PDIA6: variants seen among roughly 807,000 people sequenced by gnomAD.
PDIA6 encodes protein disulfide-isomerase A6.
Under a neutral mutation model 58.4 loss-of-function variants are expected in PDIA6, and 29 were observed. That is an observed-to-expected ratio of 0.50 (90% confidence interval 0.37 to 0.68). The LOEUF (loss-of-function observed/expected upper bound fraction) is 0.68. Among genes scored for constraint, PDIA6 ranks in the 30% least tolerant of loss-of-function variants. The pLI, the probability that PDIA6 is intolerant of heterozygous loss-of-function variation, is 0.00. For missense variants in PDIA6, 480 were observed against 551.0 expected (o/e 0.87, Z 1.29); for synonymous variants, 192 against 202.6 (o/e 0.95, Z 0.44).
At chr2:10,810,148 C>CAT in intron 1 of PDIA6, 1 of 697,908 alleles carries the variant, frequency 1.4e-6, no homozygotes, top group Non-Finnish European at 2.5e-6. Flanking sequence ...AAACATTTTG[C>CAT]ATATATTAAG....
Position 10,784,176 on chromosome 2 carries a change from G to T in PDIA6, c.*82C>A. ...AAAGGCCACTGGTAGAGTCATCTGA[G>T]TGTAGAGAATGTCCCTTCACTGCTG... On this transcript the variant is annotated 3_prime_UTR_variant, in exon 13 of 13. Transcript: ENST00000272227. The T allele has an allele frequency of 2.0e-6, 2 of 1,012,420 alleles. No individual in the cohort carries two copies. The highest frequency in any genetic ancestry group is 3.0e-6 in the Non-Finnish European group (2 of 665,690). The allele number at this position is 1,012,420 out of a possible 1,614,324, so 62.7% of individuals were successfully genotyped here.
At chr2:10,795,887 T>G (rs963133082) in intron 4 of PDIA6, among the ~76,000 whole-genome samples, 1 of 152,192 alleles carries the variant, frequency 6.6e-6, no homozygotes, top group Non-Finnish European at 1.5e-5. Flanking sequence ...AAACCTAAGA[T>G]GACAAAGTTC....
At chr2:10,806,148 G>A (rs537781989) in intron 1 of PDIA6, among the ~76,000 whole-genome samples, 3 of 151,402 alleles carry the variant, frequency 2.0e-5, no homozygotes, top group Non-Finnish European at 3.0e-5. Flanking sequence ...CAGGCAGATC[G>A]CTTGAGCTCA....
chr2:10,797,818 T>A, intron 2 of PDIA6, 61 bp from the exon 3 acceptor site: 2 of 1,357,294 alleles, frequency 1.5e-6, no homozygotes, highest in South Asian at 2.5e-5. Flanking sequence ...TTCAAAAAAT[T>A]CAAAAATTCA....
intron 1 of PDIA6, among the ~76,000 whole-genome samples, chr2:10,810,732 G>C (rs568943761): frequency 6.6e-6 from 1 of 152,174 alleles, no homozygotes; most frequent in East Asian, 1.9e-4. Context: ...AAAAGATGTG[G>C]ACATTCTGAA....
chr2:10,834,343 T>A (rs1667776820), upstream of PDIA6, among the ~76,000 whole-genome samples: 1 of 152,258 alleles, frequency 6.6e-6, no homozygotes, highest in Non-Finnish European at 1.5e-5. Flanking sequence ...ACCCTCTCTG[T>A]GGAGAGGGAA....
chr2:10,808,136 T>C (rs545304200), intron 1 of PDIA6, among the ~76,000 whole-genome samples: 30 of 152,312 alleles, frequency 2.0e-4, no homozygotes, highest in African/African-American at 7.2e-4. Flanking sequence ...CACTAAAGGG[T>C]TATCATTCAG....
In PDIA6 at chr2:10,797,816, A is replaced by C. The variant is rs935281595; in HGVS notation, c.162-59T>G. 3 of 1,354,712 alleles carry C rather than the reference A, an allele frequency of 2.2e-6. No homozygotes were observed. In the African/African-American group the frequency reaches 4.4e-5, roughly 20 times the overall value. The allele number at this position is 1,354,712 out of a possible 1,614,324, so 83.9% of individuals were successfully genotyped here. Reference sequence around the variant, plus strand: ...AAGCCTTTGATTCTCAATTCAAAAAATTCAAAAATTCAATTAAAAAACCCC... The same window carrying C: ...AAGCCTTTGATTCTCAATTCAAAAACTTCAAAAATTCAATTAAAAAACCCC... On this transcript the variant is annotated intron_variant, in intron 2 of 12. Coordinates refer to ENST00000272227, the MANE Select transcript of PDIA6 (RefSeq NM_005742.4).
chr2:10,802,458 A>G, intron 2 of PDIA6, 41 bp downstream of exon 2: 1 of 1,214,726 alleles, frequency 8.2e-7, no homozygotes, highest in Non-Finnish European at 1.1e-6. Flanking sequence ...CCAATTTCAG[A>G]AAGTACTATA....
At chr2:10,797,905 C>T in intron 2 of PDIA6, 148 bp from the exon 3 acceptor site, 1 of 637,552 alleles carries the variant, frequency 1.6e-6, no homozygotes, top group Non-Finnish European at 2.7e-6. Context: ...AGGATCAAGG[C>T]CGGGCACGGT....
chr2:10,794,070 A>G (rs918266519), intron 4 of PDIA6, among the ~76,000 whole-genome samples: 1 of 152,046 alleles, frequency 6.6e-6, no homozygotes, highest in Non-Finnish European at 1.5e-5. Flanking sequence ...CTATTAACTA[A>G]CACAGAAGTA....
Position 10,812,275 on chromosome 2 carries a change from G to C in PDIA6, c.19+403C>G, listed in dbSNP as rs568317093. Among the ~76,000 whole-genome samples, 7 of 152,186 alleles carry C rather than the reference G, an allele frequency of 4.6e-5. No individual in the cohort carries two copies. The East Asian group carries it at 1.4e-3, about 30-fold the overall frequency. On this transcript the variant is annotated intron_variant, in intron 1 of 12. Coordinates refer to ENST00000272227, the MANE Select transcript of PDIA6 (RefSeq NM_005742.4). ...GTGGCAGAAACAAGCAGCAGTGCAG[G>C]ACGCCCGCCAACCTCCGTCCCCACG...
In PDIA6 at chr2:10,829,746, T is replaced by C. The variant is rs1667651900; in HGVS notation, c.-48+2456A>G. On this transcript the variant is annotated intron_variant, in intron 1 of 13. Coordinates refer to the PDIA6 transcript ENST00000381611. ...TGTGGGTACATAGTAGGTGTACATATTGACACTGTACGTGATTACATTTCC... is the reference window on the plus strand; with the variant it reads ...TGTGGGTACATAGTAGGTGTACATACTGACACTGTACGTGATTACATTTCC... Among the ~76,000 whole-genome samples, 3 of 152,228 alleles carry C rather than the reference T, an allele frequency of 2.0e-5. No homozygotes were observed. In the South Asian group the frequency reaches 6.2e-4, roughly 32 times the overall value.
At chr2:10,810,365 C>T in intron 1 of PDIA6, 3 of 1,509,470 alleles carry the variant, frequency 2.0e-6, no homozygotes, top group Non-Finnish European at 2.6e-6. Context: ...CTTCTCTTTG[C>T]CAATCAAGGA....
At chr2:10,785,899 A>G (rs906303305) in intron 11 of PDIA6, among the ~76,000 whole-genome samples, 4 of 152,150 alleles carry the variant, frequency 2.6e-5, no homozygotes, top group African/African-American at 9.6e-5. Context: ...TTTTTAGTAG[A>G]CATAAGGTCT....
At position 10,812,706 on chromosome 2, in the gene PDIA6, C is replaced by G; in HGVS notation, c.-10G>C. 1 of 1,525,796 alleles carries G rather than the reference C, an allele frequency of 6.6e-7. No homozygotes were observed. The highest frequency in any genetic ancestry group is 1.2e-5 in the South Asian group (1 of 83,994). 94.5% of individuals were successfully genotyped at this position (1,525,796 alleles called of 1,614,324 possible). A position where few individuals can be genotyped will look rare whatever the true frequency, so the allele number is the denominator to read the frequency against. On this transcript the variant is annotated 5_prime_UTR_variant, in exon 1 of 13. Transcript: ENST00000272227. ...GCACCAGGAGAGCCATGCCGAGCGC[C>G]GGGCTACGTGCAGTCCCCACCGCCG...
At chr2:10,836,005 C>T (rs112231526), upstream of PDIA6, among the ~76,000 whole-genome samples, 177 of 151,498 alleles carry the variant, frequency 1.2e-3, no homozygotes, top group Non-Finnish European at 1.8e-3. Context: ...GAGCCAAGAT[C>T]GAGCCACACT....
intron 1 of PDIA6, among the ~76,000 whole-genome samples, chr2:10,811,577 G>C (rs111685597): frequency 0.018 from 2,670 of 152,294 alleles, 90 homozygotes; most frequent in African/African-American, 0.061. Context: ...CTAAAATGGT[G>C]AACACCGTTG....
chr2:10,813,444 G>A (rs1275231642), upstream of PDIA6, among the ~76,000 whole-genome samples: 3 of 152,156 alleles, frequency 2.0e-5, no homozygotes, highest in Admixed American at 2.0e-4. Flanking sequence ...CTGGCAATGC[G>A]CTCACGTGGG....
Sources: allele counts gnomAD v4.1 joint callset (sites outside exome capture counted in the v4.1 genomes callset), GRCh38; gene constraint gnomAD v4.1.1; transcripts MANE v1.5; gene names NCBI Gene and HGNC (gene_info 2026-07-23, HGNC 2026-07-21).